Variants in MKLN1 observed in about 807,000 individuals in gnomAD.
The protein encoded by MKLN1 is muskelin.
In MKLN1, 18 loss-of-function variants were observed where a neutral mutation model predicts 99.0. The observed-to-expected ratio is 0.18, with a 90% CI of 0.13 to 0.27. MKLN1 has a LOEUF of 0.27. Among genes scored for constraint, MKLN1 ranks in the 10% least tolerant of loss-of-function variants. MKLN1 has a pLI of 1.00. For missense variants in MKLN1, 621 were observed against 875.9 expected, an observed-to-expected ratio of 0.71 and a Z score of 3.67; for synonymous variants, 288 against 293.2, an observed-to-expected ratio of 0.98 and a Z score of 0.18.
chr7:131,220,924 T>C (rs1298942393), intron 3 of MKLN1, among the ~76,000 whole-genome samples: 1 of 152,156 alleles, frequency 6.6e-6, no homozygotes, highest in African/African-American at 2.4e-5. Flanking sequence ...ATGTAATATA[T>C]TCTATGAATG....
chr7:131,242,917 A>C, intron 3 of MKLN1: 1 of 658,048 alleles, frequency 1.5e-6, no homozygotes, highest in Non-Finnish European at 2.9e-6. Context: ...CTTAAACACA[A>C]GGCCCGATGA....
At chr7:131,360,969 G>A (rs558034057) in intron 1 of MKLN1, among the ~76,000 whole-genome samples, 4 of 151,940 alleles carry the variant, frequency 2.6e-5, no homozygotes, top group Middle Eastern at 3.4e-3. Context: ...CAAGTATTTC[G>A]TTCCCACTCT....
chr7:131,341,782 T>A (rs1196050633), intron 1 of MKLN1, among the ~76,000 whole-genome samples: 1 of 152,212 alleles, frequency 6.6e-6, no homozygotes, highest in East Asian at 1.9e-4. Flanking sequence ...CCAACCTAGA[T>A]CCCTTGCATG....
At chr7:131,240,196 A>C (rs6970470) in intron 3 of MKLN1, among the ~76,000 whole-genome samples, 21,474 of 151,804 alleles carry the variant, frequency 0.14, 1,694 homozygotes, top group African/African-American at 0.2. Context: ...AACAAACAAA[A>C]CTAATGGTGA....
intron 2 of MKLN1, among the ~76,000 whole-genome samples, chr7:131,172,508 G>C (rs1017130635): frequency 8.3e-6 from 1 of 120,112 alleles, no homozygotes; most frequent in Non-Finnish European, 1.8e-5. Context: ...GTAGAGACAG[G>C]GTTTCACCAT....
At chr7:131,189,154 A>G (rs1253022741) in intron 2 of MKLN1, among the ~76,000 whole-genome samples, 12 of 152,160 alleles carry the variant, frequency 7.9e-5, no homozygotes, top group Admixed American at 7.9e-4. Flanking sequence ...CCCTAAACAG[A>G]CCTACAATAT....
chr7:131,112,242 A>C (rs1795213289), intron 1 of MKLN1, among the ~76,000 whole-genome samples: 1 of 152,244 alleles, frequency 6.6e-6, no homozygotes, highest in East Asian at 1.9e-4. Flanking sequence ...CTTAAATGAA[A>C]GTGCTGGACT....
intron 2 of MKLN1, among the ~76,000 whole-genome samples, chr7:131,160,070 ACT>A (rs1251458712): frequency 6.6e-6 from 1 of 151,866 alleles, no homozygotes; most frequent in African/African-American, 2.4e-5. Flanking sequence ...TGGTAGAGTC[ACT>A]CTCAATTCTC....
intron 3 of MKLN1, among the ~76,000 whole-genome samples, chr7:131,294,381 A>G (rs567430397): frequency 6.6e-6 from 1 of 152,314 alleles, no homozygotes; most frequent in South Asian, 2.1e-4. Flanking sequence ...CAAAAGTGAA[A>G]AAAGTGTTAA....
chr7:131,277,428 C>T (rs372885541), intron 3 of MKLN1, among the ~76,000 whole-genome samples: 42 of 152,144 alleles, frequency 2.8e-4, no homozygotes, highest in Non-Finnish European at 5.3e-4. Context: ...GGATTACCAG[C>T]GCCCACCACC....
chr7:131,275,551 ATATATATATATATATATTTTTTTTT>A (rs1386500077), intron 3 of MKLN1, among the ~76,000 whole-genome samples: 1 of 15,390 alleles, frequency 6.5e-5, no homozygotes, highest in Non-Finnish European at 1.3e-4. Flanking sequence ...ATATATATAT[ATATATATATATATATATTTTTTTTT>A]TTTTTTTTTT....
chr7:131,328,528 G>C (rs1798965791), intron 1 of MKLN1, among the ~76,000 whole-genome samples: 1 of 152,196 alleles, frequency 6.6e-6, no homozygotes, highest in African/African-American at 2.4e-5. Flanking sequence ...AGGCTGAAAA[G>C]TTGTGGAATC....
intron 3 of MKLN1, among the ~76,000 whole-genome samples, chr7:131,291,019 A>G (rs1489287100): frequency 1.3e-5 from 2 of 152,132 alleles, no homozygotes; most frequent in African/African-American, 2.4e-5. Context: ...CAAGGCCCCA[A>G]ATCACATACC....
At chr7:131,433,734 T>A (rs1795593694) in intron 9 of MKLN1, among the ~76,000 whole-genome samples, 1 of 152,214 alleles carries the variant, frequency 6.6e-6, no homozygotes, top group South Asian at 2.1e-4. Context: ...ACTCCCTCGA[T>A]TACTGTAGCT....
At chr7:131,145,395 T>C (rs892238492) in intron 2 of MKLN1, among the ~76,000 whole-genome samples, 1 of 152,110 alleles carries the variant, frequency 6.6e-6, no homozygotes, top group African/African-American at 2.4e-5. Flanking sequence ...GGGATGTAGC[T>C]TTAAAAAAAA....
At chr7:131,145,051 G>A (rs1401553366) in intron 2 of MKLN1, among the ~76,000 whole-genome samples, 1 of 152,028 alleles carries the variant, frequency 6.6e-6, no homozygotes, top group African/African-American at 2.4e-5. Flanking sequence ...GATCTCCAGG[G>A]ATCTAATGAA....
rs1173398731 is a variant in MKLN1 at position 131,133,440 on chromosome 7, C to T, written c.-418-9380C>T. ...CGTGATCTCGGCTTACTGCAACCTC[C>T]GCTCCCAGGTTCAAGCCATTCTCCT... On this transcript the variant is annotated intron_variant, in intron 1 of 7. Transcript: ENST00000416992. Among the ~76,000 whole-genome samples the T allele has an allele frequency of 1.0e-3, 147 of 146,976 alleles. 1 individual carries two copies. Among genetic ancestry groups the T allele is most frequent in the African/African-American group, 3.4e-3 (136 of 39,584 alleles).
At position 131,495,043 on chromosome 7, in the gene MKLN1, A is replaced by G. The variant is rs1478030118; in HGVS notation, c.*7315A>G. ...AGAGGAAGAGTACAGGAAAGCGAAG[A>G]TGAGGACCTCCTTTTCTTGTGTTGG... is the stretch of plus-strand genomic sequence containing the variant. On this transcript the variant is annotated 3_prime_UTR_variant, in exon 18 of 18. Transcript: ENST00000352689. 2.0e-5 allele frequency: 3 copies of G among 152,208 alleles called. No homozygotes were observed. The highest frequency in any genetic ancestry group is 4.4e-5 in the Non-Finnish European group (3 of 68,032). The allele number at this position is 152,208 out of a possible 1,614,324, so 9.4% of individuals were successfully genotyped here. A position where few individuals can be genotyped will look rare whatever the true frequency, so the allele number is the denominator to read the frequency against.
At chr7:131,267,059 G>A (rs1797819044) in intron 3 of MKLN1, among the ~76,000 whole-genome samples, 1 of 152,034 alleles carries the variant, frequency 6.6e-6, no homozygotes, top group South Asian at 2.1e-4. Context: ...CCGGCTGGGC[G>A]TGGTAGCTCA....
Sources: gnomAD v4.1 joint callset for allele counts (sites outside exome capture counted in the v4.1 genomes callset) on GRCh38, gnomAD v4.1.1 for gene constraint, MANE v1.5 for transcripts, NCBI Gene and HGNC (gene_info 2026-07-23, HGNC 2026-07-21) for gene names.